PHF21A: variants seen among roughly 807,000 people sequenced by gnomAD.
PHF21A encodes the protein BHC80a.
In PHF21A, 11 loss-of-function variants were observed where a neutral mutation model predicts 82.5. The ratio of observed to expected loss-of-function variants is 0.13; its 90% CI spans 0.08 to 0.22. The LOEUF is 0.22. Ranked by LOEUF, PHF21A falls within the 10% of genes least tolerant of loss-of-function variation. The pLI, the probability that PHF21A is intolerant of heterozygous loss-of-function variation, is 1.00. For missense variants in PHF21A, 579 were observed against 837.8 expected (o/e 0.69, Z 3.81); for synonymous variants, 297 against 302.8 (o/e 0.98, Z 0.20).
intron 4 of PHF21A, among the ~76,000 whole-genome samples, chr11:46,082,562 T>A (rs532496011): frequency 4.6e-5 from 7 of 152,328 alleles, no homozygotes; most frequent in Admixed American, 2.0e-4. Flanking sequence ...AAAGGATGAA[T>A]ATAAAAGCTA....
At position 46,014,975 on chromosome 11, in the gene PHF21A, G is replaced by A. The variant is rs1226244673; in HGVS notation, c.154-35009C>T. Among the ~76,000 whole-genome samples the A allele has an allele frequency of 2.1e-4, 8 of 38,282 alleles. 4 individuals are homozygous for A. In the African/African-American group the frequency reaches 2.1e-3, roughly 10 times the overall value. 25.1% of individuals were successfully genotyped at this position (38,282 alleles called of 152,430 possible). A position where few individuals can be genotyped will look rare whatever the true frequency, so the allele number is the denominator to read the frequency against. ...AGCCTGGGCGACAGAGCGAGACTCC[G>A]TCTCAAAAAAAAAAAAAAATAAAAA... is the stretch of plus-strand genomic sequence containing the variant. On this transcript the variant is annotated intron_variant, in intron 6 of 18. Transcript: ENST00000676320.
At chr11:46,120,875 G>GA in intron 1 of PHF21A, 60 bp downstream of exon 1, 1 of 152,926 alleles carries the variant, frequency 6.5e-6, no homozygotes, top group Non-Finnish European at 1.5e-5. Context: ...AGCTACTCCA[G>GA]AAAAAAAGAG....
chr11:45,992,723 G>A (rs1193537326), intron 6 of PHF21A, among the ~76,000 whole-genome samples: 1 of 152,164 alleles, frequency 6.6e-6, no homozygotes, highest in Non-Finnish European at 1.5e-5. Flanking sequence ...CTGAGAATAT[G>A]CTAAGATAAA....
At chr11:45,940,257 G>A (rs1251614004) in intron 15 of PHF21A, among the ~76,000 whole-genome samples, 4 of 151,492 alleles carry the variant, frequency 2.6e-5, no homozygotes, top group East Asian at 1.9e-4. Flanking sequence ...GGGCAGTGGC[G>A]CGATCTCGGC....
At chr11:45,997,449 G>A (rs2094946912) in intron 6 of PHF21A, among the ~76,000 whole-genome samples, 1 of 152,124 alleles carries the variant, frequency 6.6e-6, no homozygotes, top group African/African-American at 2.4e-5. Context: ...TCAGCAAAAT[G>A]ATACAGTTGA....
intron 6 of PHF21A, among the ~76,000 whole-genome samples, chr11:46,050,591 T>C (rs760511958): frequency 3.3e-5 from 5 of 152,252 alleles, no homozygotes; most frequent in African/African-American, 9.6e-5. Context: ...TAGGTACTTC[T>C]ATAATTTTAA....
intron 8 of PHF21A, chr11:45,970,512 C>T (rs2093682398): frequency 6.6e-6 from 1 of 152,228 alleles, no homozygotes; most frequent in South Asian, 2.1e-4. Context: ...CTGAGAATAT[C>T]AGTTTTCTAA....
chr11:46,056,034 G>C (rs985557489), intron 6 of PHF21A, among the ~76,000 whole-genome samples: 6 of 152,050 alleles, frequency 3.9e-5, no homozygotes, highest in African/African-American at 1.4e-4. Flanking sequence ...TATAGCTCAA[G>C]CAATACTTTC....
chr11:46,045,284 A>G (rs779875024), intron 6 of PHF21A, among the ~76,000 whole-genome samples: 2 of 152,116 alleles, frequency 1.3e-5, no homozygotes, highest in African/African-American at 2.4e-5. Flanking sequence ...CTTTTTCCCT[A>G]TGAAAGATCA....
chr11:46,028,930 C>A (rs752112861), intron 6 of PHF21A, among the ~76,000 whole-genome samples: 3 of 152,276 alleles, frequency 2.0e-5, no homozygotes, highest in Middle Eastern at 3.4e-3. Context: ...TATTACTATG[C>A]CCCAAAGGAC....
At chr11:46,116,314 C>T (rs2097288913) in intron 1 of PHF21A, among the ~76,000 whole-genome samples, 1 of 152,120 alleles carries the variant, frequency 6.6e-6, no homozygotes, top group Non-Finnish European at 1.5e-5. Flanking sequence ...AGATATACAT[C>T]TTTTTCACTG....
chr11:45,981,225 A>C (rs2094264461), intron 6 of PHF21A, among the ~76,000 whole-genome samples: 1 of 151,832 alleles, frequency 6.6e-6, no homozygotes, highest in Admixed American at 6.6e-5. Context: ...ATCTCCGCTA[A>C]AAATACAAAA....
intron 1 of PHF21A, among the ~76,000 whole-genome samples, chr11:46,099,343 TAATC>T (rs1315818988): frequency 6.6e-6 from 1 of 152,170 alleles, no homozygotes; most frequent in Non-Finnish European, 1.5e-5. Context: ...TAGCCAAGAA[TAATC>T]AGAGTACTTC....
At chr11:45,972,677 G>A (rs1349412117) in intron 7 of PHF21A, among the ~76,000 whole-genome samples, 2 of 152,230 alleles carry the variant, frequency 1.3e-5, no homozygotes, top group African/African-American at 2.4e-5. Flanking sequence ...ACTTTGGGAG[G>A]CCGATGCGGG....
chr11:46,091,755 C>T (rs2096927190), intron 2 of PHF21A, among the ~76,000 whole-genome samples: 2 of 152,142 alleles, frequency 1.3e-5, no homozygotes, highest in Admixed American at 1.3e-4. Context: ...CGTTTTGTTG[C>T]CAGCTTCAAG....
rs60087987 is a variant in PHF21A at position 45,978,258 on chromosome 11, G to A, written c.360+1502C>T. Among the ~76,000 whole-genome samples, 1,070 of 152,148 alleles carry A rather than the reference G, an allele frequency of 7.0e-3. 11 individuals carry two copies. The highest frequency in any genetic ancestry group is 0.025 in the African/African-American group (1,017 of 41,484). On this transcript the variant is annotated intron_variant, in intron 7 of 18. Coordinates refer to ENST00000676320, the MANE Select transcript of PHF21A (RefSeq NM_001352027.3). ...GGAGGTTGCAGTGAGCCAAGACTGCGCCACTGCACTCCAGCCTGGGTGACA... is the reference window on the plus strand; with the variant it reads ...GGAGGTTGCAGTGAGCCAAGACTGCACCACTGCACTCCAGCCTGGGTGACA...
At chr11:46,077,119 T>C (rs1312588577) in intron 5 of PHF21A, among the ~76,000 whole-genome samples, 2 of 152,252 alleles carry the variant, frequency 1.3e-5, no homozygotes, top group Non-Finnish European at 2.9e-5. Context: ...TCTTATTCTT[T>C]ATAGAAAGTA....
At chr11:46,023,442 ACCAGG>A (rs2095670781) in intron 6 of PHF21A, among the ~76,000 whole-genome samples, 1 of 152,198 alleles carries the variant, frequency 6.6e-6, no homozygotes, top group Non-Finnish European at 1.5e-5. Context: ...CATTTCCAAA[ACCAGG>A]TAAGGAAATT....
At chr11:46,002,555 T>C (rs944191975) in intron 6 of PHF21A, among the ~76,000 whole-genome samples, 75 of 152,312 alleles carry the variant, frequency 4.9e-4, no homozygotes, top group African/African-American at 1.8e-3. Context: ...CATGGCCTTT[T>C]TCATTTAAGG....
Sources: gnomAD v4.1 joint callset for allele counts (sites outside exome capture counted in the v4.1 genomes callset) on GRCh38, gnomAD v4.1.1 for gene constraint, MANE v1.5 for transcripts, NCBI Gene and HGNC (gene_info 2026-07-23, HGNC 2026-07-21) for gene names.